The following ACACA variants were observed in gnomAD, a reference collection of about 807,000 sequenced individuals.
ACACA encodes acetyl-CoA carboxylase alpha, also known as acetyl-CoA carboxylase 1.
In ACACA, 103 loss-of-function variants were observed where a neutral mutation model predicts 296.1. The ratio of observed to expected loss-of-function variants is 0.35; its 90% CI spans 0.30 to 0.41. The LOEUF (loss-of-function observed/expected upper bound fraction) is 0.41. Ranked by LOEUF, ACACA falls within the 10% of genes least tolerant of loss-of-function variation. ACACA has a pLI of 1.00. For missense variants in ACACA, 1,554 were observed against 2,989.7 expected, an observed-to-expected ratio of 0.52 and a Z score of 11.20; for synonymous variants, 953 against 1,038.6, an observed-to-expected ratio of 0.92 and a Z score of 1.58.
chr17:37,379,435 T>C, intron 1 of ACACA: 1 of 1,565,192 alleles, frequency 6.4e-7, no homozygotes, highest in Non-Finnish European at 8.7e-7. Flanking sequence ...TTGACATCCT[T>C]GAAGGCAGCC....
chr17:37,242,905 T>G (rs2080491499), intron 22 of ACACA, among the ~76,000 whole-genome samples: 2 of 151,950 alleles, frequency 1.3e-5, no homozygotes, highest in Admixed American at 6.6e-5. Context: ...CATGGCAGCG[T>G]GTGAATGTAA....
chr17:37,299,628 G>T (rs1014289517), intron 3 of ACACA: 3 of 1,174,308 alleles, frequency 2.6e-6, no homozygotes, highest in East Asian at 4.2e-5. Flanking sequence ...ACTGAGAGGA[G>T]CCGGGGAGAA....
At chr17:37,209,002 G>A (rs757363846) in intron 30 of ACACA, among the ~76,000 whole-genome samples, 26 of 152,306 alleles carry the variant, frequency 1.7e-4, no homozygotes, top group Middle Eastern at 6.8e-3. Flanking sequence ...CAAGGCAATG[G>A]AATTCTTTGT....
chr17:37,134,343 TGAAGTGGCA>T (rs1331908430), intron 45 of ACACA, among the ~76,000 whole-genome samples: 3 of 152,194 alleles, frequency 2.0e-5, no homozygotes, highest in African/African-American at 7.2e-5. Context: ...GACGTTTGAC[TGAAGTGGCA>T]GAGCATTGTG....
chr17:37,372,725 T>A (rs1037281380), intron 1 of ACACA, among the ~76,000 whole-genome samples: 3 of 152,128 alleles, frequency 2.0e-5, no homozygotes, highest in Non-Finnish European at 2.9e-5. Flanking sequence ...CTGCTAAATT[T>A]GATGTTTTTG....
chr17:37,258,320 C>A lies in ACACA; in HGVS notation c.1554G>T (p.Gly518=). 1 of 1,613,908 alleles carries A rather than the reference C, an allele frequency of 6.2e-7. No individual in the cohort carries two copies. The highest frequency in any genetic ancestry group is 2.2e-5 in the East Asian group (1 of 44,878). Residue 518 remains glycine (G), a synonymous_variant, in exon 13 of 56, where the codon GGG becomes GGT. Coordinates refer to ENST00000616317, the MANE Select transcript of ACACA (RefSeq NM_198834.3). ...TGGGAGAATCACCCCAGGGAGATAC[C>A]CCATACATCATACGGATATCCTTGA... ...YRIKDIRMMY[G]VSPWGDSPID... is the part of the protein sequence containing the mutation.
intron 2 of ACACA, among the ~76,000 whole-genome samples, chr17:37,335,480 T>C (rs181995792): frequency 6.6e-6 from 1 of 152,298 alleles, no homozygotes; most frequent in East Asian, 1.9e-4. Context: ...ATATTTTTTG[T>C]CTGTGGTACC....
At chr17:37,365,181 A>G (rs1238131111) in intron 1 of ACACA, among the ~76,000 whole-genome samples, 1 of 152,058 alleles carries the variant, frequency 6.6e-6, no homozygotes, top group Non-Finnish European at 1.5e-5. Context: ...CTGGTCTCAA[A>G]CACCTGACCT....
chr17:37,227,187 A>G (rs929670431), intron 25 of ACACA, among the ~76,000 whole-genome samples: 1 of 152,194 alleles, frequency 6.6e-6, no homozygotes, highest in African/African-American at 2.4e-5. Context: ...AATAATCTCA[A>G]TCATATTCTG....
At chr17:37,133,757 A>G (rs1420388285) in intron 45 of ACACA, among the ~76,000 whole-genome samples, 2 of 152,238 alleles carry the variant, frequency 1.3e-5, no homozygotes, top group East Asian at 3.8e-4. Context: ...CTTTTAATTT[A>G]TCTGTCCAGC....
chr17:37,270,820 T>C lies in ACACA; in HGVS notation c.1050A>G (p.Ser350=). The part of the protein sequence containing the change: ...EVGYPVMIKA[S]EGGGGKGIRK... ...TAATTCCCTTCCCTCCTCCTCCCTC[T>C]GAGGCCTTGATCATTACTGGATATC... The change falls in exon 10 of 56, where the codon TCA becomes TCG. Residue 350 remains serine (S), a synonymous_variant. Transcript: ENST00000616317. 1 of 1,613,854 alleles carries C rather than the reference T, an allele frequency of 6.2e-7. No homozygotes were observed. Among genetic ancestry groups the C allele is most frequent in the South Asian group, 1.1e-5 (1 of 91,074 alleles).
intron 39 of ACACA, among the ~76,000 whole-genome samples, chr17:37,188,069 G>C (rs2077605470): frequency 6.6e-6 from 1 of 152,136 alleles, no homozygotes; most frequent in African/African-American, 2.4e-5. Context: ...AATGGTTAAG[G>C]GTTTTATAAC....
chr17:37,148,153 T>A (rs1331625858), intron 45 of ACACA, among the ~76,000 whole-genome samples: 1 of 151,360 alleles, frequency 6.6e-6, no homozygotes, highest in African/African-American at 2.4e-5. Context: ...AATTCTGTTC[T>A]CATAGATAAT....
At position 37,284,885 on chromosome 17, in the gene ACACA, G is replaced by C. The variant is rs1309102867; in HGVS notation, c.424C>G (p.Pro142Ala). The change falls in exon 4 of 56, where the codon CCA (proline) becomes GCA (alanine). Residue 142 changes from proline to alanine, a missense_variant. Physicochemically the swap from Pro to Ala is conservative, Grantham distance 27. Around this residue, in one of 16 missense-constraint regions of ACACA, gnomAD observed 40 missense variants for 92.2 expected, o/e 0.43. Transcript: ENST00000616317. ...CCAAAGCGAGTAACAAATTCTGCTG[G>C]AGAAGCCACAGTGAAATCTCGTTGA... is the stretch of plus-strand genomic sequence containing the variant. Reference protein sequence around the residue: ...DSQRDFTVASPAEFVTRFGGN... With the variant: ...DSQRDFTVASAAEFVTRFGGN... 6.2e-7 allele frequency: 1 copy of C among 1,614,150 alleles called. No homozygotes were observed. Among genetic ancestry groups the C allele is most frequent in the African/African-American group, 1.3e-5 (1 of 75,038 alleles).
intron 42 of ACACA, among the ~76,000 whole-genome samples, chr17:37,161,223 A>G (rs543348547): frequency 6.6e-6 from 1 of 152,348 alleles, no homozygotes; most frequent in Non-Finnish European, 1.5e-5. Context: ...TGAGATTCAA[A>G]GATGGGATTT....
At chr17:37,248,279 T>C in intron 17 of ACACA, 123 bp from the exon 18 acceptor site, 2 of 1,237,594 alleles carry the variant, frequency 1.6e-6, no homozygotes, top group Admixed American at 1.9e-5. Context: ...ATGGCACTGA[T>C]GCTATTTGCA....
At chr17:37,201,030 T>A (rs570419381) in intron 33 of ACACA, among the ~76,000 whole-genome samples, 29 of 152,204 alleles carry the variant, frequency 1.9e-4, no homozygotes, top group Non-Finnish European at 3.2e-4. Context: ...TTACCTTACA[T>A]GAAGGCATTT....
intron 45 of ACACA, among the ~76,000 whole-genome samples, chr17:37,139,816 A>C (rs1261059568): frequency 6.6e-6 from 1 of 152,170 alleles, no homozygotes; most frequent in East Asian, 1.9e-4. Flanking sequence ...TATGAATCCA[A>C]TTTCTTTTCT....
At chr17:37,248,812 G>A in intron 16 of ACACA, 138 bp from the exon 17 acceptor site, 2 of 628,050 alleles carry the variant, frequency 3.2e-6, no homozygotes, top group Non-Finnish European at 5.9e-6. Context: ...CGTTTGTAAG[G>A]AATTGATCAC....
Sources: gnomAD v4.1 joint callset for allele counts (sites outside exome capture counted in the v4.1 genomes callset) on GRCh38, gnomAD v4.1.1 for gene constraint, gnomAD v4.1.1 regional missense constraint, MANE v1.5 for transcripts, NCBI Gene and HGNC (gene_info 2026-07-23, HGNC 2026-07-21) for gene names.